The following FRMPD4 variants were observed in gnomAD, a reference collection of about 807,000 sequenced individuals.
FRMPD4 encodes the protein FERM and PDZ domain-containing protein 4.
A neutral mutation model predicts 94.1 loss-of-function variants in FRMPD4; 22 were observed. The ratio of observed to expected loss-of-function variants is 0.23; its 90% CI spans 0.17 to 0.33. The LOEUF (loss-of-function observed/expected upper bound fraction) is 0.33, where lower values mean the gene tolerates loss of function less well. Among genes scored for constraint, FRMPD4 ranks in the 10% least tolerant of loss-of-function variants. The pLI, the probability that FRMPD4 is intolerant of heterozygous loss-of-function variation, is 1.00. For missense variants in FRMPD4, 1,111 were observed against 1,339.9 expected (o/e 0.83, Z 2.67); for synonymous variants, 631 against 548.6 (o/e 1.15, Z -2.10).
chrX:12,385,606 C>G (rs765205203), intron 1 of FRMPD4, among the ~76,000 whole-genome samples: 2 of 112,337 alleles, frequency 1.8e-5, no homozygotes, highest in South Asian at 7.4e-4. Context: ...AAAAGTTTAC[C>G]CGTTACACAT....
At chrX:12,329,715 C>T (rs764710542) in intron 1 of FRMPD4, among the ~76,000 whole-genome samples, 1 of 109,743 alleles carries the variant, frequency 9.1e-6, no homozygotes, top group South Asian at 4.0e-4. Flanking sequence ...CCAATCTTGG[C>T]TTGGGGAGAG....
chrX:12,160,909 G>C (rs1295840363), intron 1 of FRMPD4, among the ~76,000 whole-genome samples: 1 of 110,808 alleles, frequency 9.0e-6, no homozygotes, highest in Non-Finnish European at 1.9e-5. Flanking sequence ...AGTATAATAA[G>C]GGTATTACTA....
chrX:12,635,767 G>A (rs755100759), intron 4 of FRMPD4, among the ~76,000 whole-genome samples: 6 of 111,884 alleles, frequency 5.4e-5, no homozygotes. Context: ...GGAAACAACT[G>A]CCACTACAGC....
chrX:12,236,665 G>GA (rs967368925), intron 1 of FRMPD4, among the ~76,000 whole-genome samples: 25 of 109,836 alleles, frequency 2.3e-4, no homozygotes, highest in Non-Finnish European at 1.3e-4. Flanking sequence ...AATCTGATTA[G>GA]AAAAAAAAAT....
At chrX:12,393,217 T>C (rs746272878) in intron 1 of FRMPD4, among the ~76,000 whole-genome samples, 1 of 112,692 alleles carries the variant, frequency 8.9e-6, no homozygotes, top group Admixed American at 9.4e-5. Flanking sequence ...CTTGCATGTT[T>C]GTATGAAATT....
chrX:11,994,931 T>G (rs2054488728), intron 3 of FRMPD4, among the ~76,000 whole-genome samples: 1 of 111,722 alleles, frequency 9.0e-6, no homozygotes, highest in African/African-American at 3.3e-5. Flanking sequence ...CATTGTTGCA[T>G]ATTTGATGTG....
chrX:12,422,657 C>A (rs951775193), intron 1 of FRMPD4, among the ~76,000 whole-genome samples: 3 of 112,050 alleles, frequency 2.7e-5, no homozygotes, highest in Non-Finnish European at 5.6e-5. Flanking sequence ...AGCTAGAAAG[C>A]GGTCTTCATT....
intron 2 of FRMPD4, among the ~76,000 whole-genome samples, chrX:12,586,843 T>C (rs2058933225): frequency 8.9e-6 from 1 of 112,102 alleles, no homozygotes; most frequent in Non-Finnish European, 1.9e-5. Context: ...ATTTGATCAT[T>C]GTACTTTGCA....
In FRMPD4 at chrX:12,674,878, G is replaced by T. The variant is rs1400867721; in HGVS notation, c.438G>T (p.Ser146=). Residue 146 remains serine, a synonymous_variant, in exon 5 of 17, where the codon TCG becomes TCT. Transcript: ENST00000675598. ...VIDLVRSCKE[S]ILLTVIQPYP... is the part of the protein sequence containing the mutation. The stretch of plus-strand genomic sequence containing the variant: ...TCTCTTACAGAAGCTGCAAAGAATC[G>T]ATACTCCTCACTGTCATTCAGCCTT... 4 of 1,168,363 alleles carry T rather than the reference G, an allele frequency of 3.4e-6. No individual in the cohort carries two copies. The highest frequency in any genetic ancestry group is 4.7e-6 in the Non-Finnish European group (4 of 856,055).
At position 12,331,665 on chromosome X, in the gene FRMPD4, TA is replaced by T. The variant is rs1427565503; in HGVS notation, c.42-167012del. On this transcript the variant is annotated intron_variant, in intron 1 of 16. Transcript: ENST00000675598. ...ATAAATTATATATTTATATAATATA[TA>T]AATATATAAATTATATATTTATATA... 2.0e-4 allele frequency among the ~76,000 whole-genome samples: 15 copies of T among 75,814 alleles called. No individual in the cohort carries two copies. In the East Asian group the frequency reaches 2.3e-3, roughly 11 times the overall value. 65.8% of individuals were successfully genotyped at this position (75,814 alleles called of 115,157 possible).
chrX:12,049,083 G>A (rs1029411199), intron 3 of FRMPD4, among the ~76,000 whole-genome samples: 2 of 111,393 alleles, frequency 1.8e-5, no homozygotes, highest in Non-Finnish European at 3.8e-5. Flanking sequence ...GGGCAGTATG[G>A]CCATTTTAAC....
At chrX:12,659,191 A>C (rs1024222631) in intron 4 of FRMPD4, among the ~76,000 whole-genome samples, 1 of 111,766 alleles carries the variant, frequency 8.9e-6, no homozygotes, top group African/African-American at 3.3e-5. Context: ...CAACTACCTT[A>C]CTTCCTACTC....
intron 2 of FRMPD4, among the ~76,000 whole-genome samples, chrX:12,574,695 G>A (rs948129963): frequency 3.6e-5 from 4 of 110,003 alleles, no homozygotes; most frequent in Non-Finnish European, 7.6e-5. Flanking sequence ...ACAGAGTTTC[G>A]CCATGCTGCC....
At chrX:11,904,333 CA>C (rs1419173902) in intron 3 of FRMPD4, among the ~76,000 whole-genome samples, 3 of 111,254 alleles carry the variant, frequency 2.7e-5, no homozygotes, top group Non-Finnish European at 5.7e-5. Flanking sequence ...TTACTGAATT[CA>C]AAAAAATCAA....
intron 1 of FRMPD4, among the ~76,000 whole-genome samples, chrX:12,350,258 G>A (rs1373075720): frequency 8.9e-6 from 1 of 111,894 alleles, no homozygotes; most frequent in African/African-American, 3.2e-5. Flanking sequence ...CCTTTATCCT[G>A]TAGGATTTGA....
At chrX:12,305,725 G>GTTTTTTTTTGTTTT (rs563804861) in intron 1 of FRMPD4, among the ~76,000 whole-genome samples, 1 of 59,701 alleles carries the variant, frequency 1.7e-5, no homozygotes, top group African/African-American at 7.6e-5. Context: ...AGCTGGCTAA[G>GTTTTTTTTTGTTTT]TTTTTTTTTT....
At chrX:12,720,044 G>GAAA (rs765045054) in intron 16 of FRMPD4, among the ~76,000 whole-genome samples, 1,440 of 30,141 alleles carry the variant, frequency 0.048, 17 homozygotes, top group African/African-American at 0.084. Flanking sequence ...GGAAAGGAAA[G>GAAA]GAAAGGAAAG....
intron 1 of FRMPD4, among the ~76,000 whole-genome samples, chrX:11,850,479 C>A (rs2053614591): frequency 8.9e-6 from 1 of 112,261 alleles, no homozygotes; most frequent in Admixed American, 9.5e-5. Flanking sequence ...AAAGCAGGAT[C>A]TTGGAAAGAT....
chrX:12,414,078 G>A (rs374184948), intron 1 of FRMPD4, among the ~76,000 whole-genome samples: 2 of 112,435 alleles, frequency 1.8e-5, no homozygotes, highest in East Asian at 2.8e-4. Context: ...ATATATCTTG[G>A]CTAAATGAAA....
Sources: allele counts gnomAD v4.1 joint callset (sites outside exome capture counted in the v4.1 genomes callset), GRCh38; gene constraint gnomAD v4.1.1; transcripts MANE v1.5; gene names NCBI Gene and HGNC (gene_info 2026-07-23, HGNC 2026-07-21).